ERO1A: variants seen among roughly 807,000 people sequenced by gnomAD.
ERO1A encodes ERO1-like protein alpha.
In ERO1A, 49 loss-of-function variants were observed where a neutral mutation model predicts 76.9. The ratio of observed to expected loss-of-function variants is 0.64; its 90% confidence interval spans 0.51 to 0.81. ERO1A has a LOEUF of 0.81. Ranked by LOEUF, ERO1A falls within the 30% of genes least tolerant of loss-of-function variation. The pLI is 0.00. For synonymous variants in ERO1A, 174 were observed against 181.2 expected, an observed-to-expected ratio of 0.96 and a Z score of 0.32; for missense variants, 448 against 542.1, an observed-to-expected ratio of 0.83 and a Z score of 1.72.
chr14:52,694,357 A>T (rs1306010760), intron 1 of ERO1A, among the ~76,000 whole-genome samples: 2 of 152,162 alleles, frequency 1.3e-5, no homozygotes, highest in Non-Finnish European at 2.9e-5. Flanking sequence ...TCAACTCCCA[A>T]ATCACTCAGC....
At chr14:52,665,296 CAAAAA>C (rs34009141) in intron 7 of ERO1A, among the ~76,000 whole-genome samples, 1 of 90,454 alleles carries the variant, frequency 1.1e-5, no homozygotes, top group Non-Finnish European at 2.1e-5. Flanking sequence ...GACTTCATCT[CAAAAA>C]AAAAAAAAAA....
intron 1 of ERO1A, among the ~76,000 whole-genome samples, chr14:52,690,096 T>C (rs572779513): frequency 6.6e-6 from 1 of 152,204 alleles, no homozygotes; most frequent in African/African-American, 2.4e-5. Flanking sequence ...TGGATCTTTA[T>C]CTTACAACAC....
rs952567598 is a variant in ERO1A, at chr14:52,640,398, G to A, written c.*3172C>T. 1 of 152,288 alleles carries A rather than the reference G, an allele frequency of 6.6e-6. No homozygotes were observed. Among genetic ancestry groups the A allele is most frequent in the Non-Finnish European group, 1.5e-5 (1 of 68,074 alleles). The allele number at this position is 152,288 out of a possible 1,614,324, so 9.4% of individuals were successfully genotyped here. ...ATGCAAAGAGTACAGCATTTACCAA[G>A]GCGGGAGGCCTGGCCAAATGTGGCT... On this transcript the variant is annotated 3_prime_UTR_variant, in exon 16 of 16. Coordinates refer to ENST00000395686, the MANE Select transcript of ERO1A (RefSeq NM_014584.3).
chr14:52,681,763 C>T (rs1038842757), intron 3 of ERO1A, among the ~76,000 whole-genome samples: 2 of 151,888 alleles, frequency 1.3e-5, no homozygotes, highest in Non-Finnish European at 2.9e-5. Context: ...GTGTTTTGTC[C>T]ACTCACACCC....
At chr14:52,652,108 A>G in intron 13 of ERO1A, 131 bp downstream of exon 13, 2 of 467,000 alleles carry the variant, frequency 4.3e-6, no homozygotes, top group Admixed American at 3.9e-5. Flanking sequence ...CTGGAATTAC[A>G]GGCCTGAGCC....
At chr14:52,671,256 A>G (rs959051308) in intron 6 of ERO1A, among the ~76,000 whole-genome samples, 2 of 152,178 alleles carry the variant, frequency 1.3e-5, no homozygotes, top group African/African-American at 4.8e-5. Flanking sequence ...GTACTGGACA[A>G]TTGGGTTGTT....
At chr14:52,666,166 C>T (rs1358190688) in intron 7 of ERO1A, among the ~76,000 whole-genome samples, 1 of 152,170 alleles carries the variant, frequency 6.6e-6, no homozygotes, top group African/African-American at 2.4e-5. Flanking sequence ...ACAATACTCC[C>T]ATAAAGGTCT....
intron 6 of ERO1A, among the ~76,000 whole-genome samples, chr14:52,671,359 A>C (rs1338269332): frequency 6.6e-6 from 1 of 152,144 alleles, no homozygotes; most frequent in Non-Finnish European, 1.5e-5. Flanking sequence ...AGGAACTGTT[A>C]TGTCATATGG....
At chr14:52,667,470 A>G (rs1490094606) in intron 6 of ERO1A, among the ~76,000 whole-genome samples, 1 of 152,082 alleles carries the variant, frequency 6.6e-6, no homozygotes, top group African/African-American at 2.4e-5. Context: ...CTGTAATCCC[A>G]GCATTCTCGG....
Position 52,666,473 on chromosome 14 carries a change from T to A in ERO1A, c.531A>T (p.Glu177Asp). 6.2e-7 allele frequency: 1 copy of A among 1,609,190 alleles called. No homozygotes were observed. The highest frequency in any genetic ancestry group is 8.5e-7 in the Non-Finnish European group (1 of 1,178,552). Reference protein sequence around the residue: ...EADDIQSPEAEYVDLLLNPER... With the variant: ...EADDIQSPEADYVDLLLNPER... ...CAGGATTAAGAAGCAAATCTACATA[T>A]TCAGCTTCAGGGGACTGAATGTCTG... The change falls in exon 7 of 16, where the codon GAA (glutamate) becomes GAT (aspartate). Residue 177 changes from glutamate to aspartate, a missense_variant. By Grantham distance (45) the Glu-to-Asp change is conservative (BLOSUM62 2). This residue lies in a region of ERO1A where 302 missense variants were observed against 411.9 expected (regional missense o/e 0.73). Transcript: ENST00000395686.
chr14:52,680,100 AAAAC>A lies in ERO1A; in HGVS notation c.319-1632_319-1629del, dbSNP rs2040943252. Among the ~76,000 whole-genome samples the A allele has an allele frequency of 2.0e-5, 3 of 148,400 alleles. No individual in the cohort carries two copies. The South Asian group carries it at 6.6e-4, about 32-fold the overall frequency. ...ACACAAACAAAAAAAAAAAAAAAAA[AAAAC>A]AAAGTATTGGCATGAAAGGCATTCT... On this transcript the variant is annotated intron_variant, in intron 3 of 15. Coordinates refer to ENST00000395686, the MANE Select transcript of ERO1A (RefSeq NM_014584.3).
At chr14:52,666,970 C>T (rs1275205762) in intron 6 of ERO1A, among the ~76,000 whole-genome samples, 1 of 151,990 alleles carries the variant, frequency 6.6e-6, no homozygotes, top group South Asian at 2.1e-4. Context: ...ACACACACAG[C>T]CACATTAATT....
Position 52,640,130 on chromosome 14 carries a change from G to A in ERO1A, c.*3440C>T, listed in dbSNP as rs2039423446. 6.6e-6 allele frequency: 1 copy of A among 152,154 alleles called. No individual in the cohort carries two copies. The allele number at this position is 152,154 out of a possible 1,614,324, so 9.4% of individuals were successfully genotyped here. ...GCTATGGAGATGCAAAAAATAAAAA[G>A]GTTCCTTTTCCTGCCCTTAAGGAGC... is the stretch of plus-strand genomic sequence containing the variant. On this transcript the variant is annotated 3_prime_UTR_variant, in exon 16 of 16. Transcript: ENST00000395686.
At chr14:52,687,632 G>A (rs3783449) in intron 1 of ERO1A, among the ~76,000 whole-genome samples, 22,168 of 152,132 alleles carry the variant, frequency 0.15, 1,777 homozygotes, top group African/African-American at 0.21. Context: ...GGAACAATGC[G>A]GGTAAGGGGG....
At chr14:52,645,305 T>A (rs2039611955) in intron 15 of ERO1A, among the ~76,000 whole-genome samples, 1 of 145,508 alleles carries the variant, frequency 6.9e-6, no homozygotes, top group African/African-American at 2.7e-5. Context: ...ATACACACTT[T>A]TTTTTTTTTT....
intron 13 of ERO1A, among the ~76,000 whole-genome samples, chr14:52,650,246 A>G (rs1315612586): frequency 6.6e-6 from 1 of 151,886 alleles, no homozygotes; most frequent in Non-Finnish European, 1.5e-5. Flanking sequence ...TATATACAAT[A>G]TGTATGAAAT....
At chr14:52,694,168 T>A (rs1043624048) in intron 1 of ERO1A, among the ~76,000 whole-genome samples, 1 of 152,218 alleles carries the variant, frequency 6.6e-6, no homozygotes, top group South Asian at 2.1e-4. Context: ...TCTTATTTTT[T>A]AAATGTTTAA....
At position 52,686,569 on chromosome 14, in the gene ERO1A, TA is replaced by T. The variant is rs1219533547; in HGVS notation, c.115-2663del. Among the ~76,000 whole-genome samples, 12 of 110,726 alleles carry T rather than the reference TA, an allele frequency of 1.1e-4. No homozygotes were observed. In the East Asian group the frequency reaches 2.5e-3, roughly 24 times the overall value. 72.6% of individuals were successfully genotyped at this position (110,726 alleles called of 152,430 possible). ...AAGGGAAAGAAGGCAGGATAAATGG[TA>T]GATTGGTAGATTTTAAAATGTTCTT... On this transcript the variant is annotated intron_variant, in intron 1 of 15. Coordinates refer to ENST00000395686, the MANE Select transcript of ERO1A (RefSeq NM_014584.3).
intron 13 of ERO1A, 76 bp from the exon 14 acceptor site, chr14:52,646,537 T>C (rs2039663364): frequency 4.4e-6 from 5 of 1,141,260 alleles, no homozygotes; most frequent in Non-Finnish European, 6.4e-6. Flanking sequence ...GCAGGTTCTA[T>C]GTGCCTAACA....
Sources: allele counts gnomAD v4.1 joint callset (sites outside exome capture counted in the v4.1 genomes callset), GRCh38; gene constraint gnomAD v4.1.1; regional missense constraint gnomAD v4.1.1; transcripts MANE v1.5; gene names NCBI Gene and HGNC (gene_info 2026-07-23, HGNC 2026-07-21).